ZNRF1: variants seen among roughly 807,000 people sequenced by gnomAD.
ZNRF1 encodes zinc and ring finger 1.
In ZNRF1, 3 loss-of-function variants were observed where a neutral mutation model predicts 18.4. That is an observed-to-expected ratio of 0.16 (90% CI 0.07 to 0.42). ZNRF1 has a LOEUF of 0.42. ZNRF1 is among the 10% of genes least tolerant of loss of function. The pLI, the probability that ZNRF1 is intolerant of heterozygous loss-of-function variation, is 0.99. For synonymous variants in ZNRF1, 157 were observed against 144.2 expected (o/e 1.09, Z -0.64); for missense variants, 310 against 329.8 (o/e 0.94, Z 0.47).
chr16:75,007,808 G>T (rs1181090209), intron 1 of ZNRF1, among the ~76,000 whole-genome samples: 1 of 152,132 alleles, frequency 6.6e-6, no homozygotes, highest in Non-Finnish European at 1.5e-5. Context: ...CCCAAACAGA[G>T]AAATAAACTT....
intron 1 of ZNRF1, among the ~76,000 whole-genome samples, chr16:75,060,324 T>C (rs1392416483): frequency 1.3e-5 from 2 of 152,092 alleles, no homozygotes; most frequent in Non-Finnish European, 2.9e-5. Flanking sequence ...GTGCTGGGAT[T>C]ACAGGCATGA....
intron 1 of ZNRF1, among the ~76,000 whole-genome samples, chr16:75,065,661 T>C (rs1449992110): frequency 6.6e-6 from 1 of 152,230 alleles, no homozygotes; most frequent in Non-Finnish European, 1.5e-5. Flanking sequence ...GTGTGTACAC[T>C]CAGAAATGTA....
At chr16:75,077,959 A>T (rs2035962702) in intron 1 of ZNRF1, among the ~76,000 whole-genome samples, 1 of 152,216 alleles carries the variant, frequency 6.6e-6, no homozygotes, top group Non-Finnish European at 1.5e-5. Flanking sequence ...TGTATTCATC[A>T]CATCTGCCAA....
chr16:75,013,726 C>A (rs936509942), intron 1 of ZNRF1, among the ~76,000 whole-genome samples: 7 of 152,142 alleles, frequency 4.6e-5, no homozygotes, highest in South Asian at 2.1e-4. Context: ...TGTGCTATTT[C>A]AATTTGGTTC....
chr16:75,056,268 G>C (rs2035667035), intron 1 of ZNRF1, among the ~76,000 whole-genome samples: 1 of 152,226 alleles, frequency 6.6e-6, no homozygotes, highest in Non-Finnish European at 1.5e-5. Flanking sequence ...CAGCGTGTAA[G>C]CCTAGTGACT....
At chr16:75,088,420 C>T (rs900510687) in intron 1 of ZNRF1, among the ~76,000 whole-genome samples, 1 of 152,184 alleles carries the variant, frequency 6.6e-6, no homozygotes, top group Non-Finnish European at 1.5e-5. Flanking sequence ...AAGCAGAACT[C>T]CAGATAGTTA....
intron 1 of ZNRF1, among the ~76,000 whole-genome samples, chr16:75,020,012 G>A (rs35771859): frequency 0.44 from 66,613 of 152,026 alleles, 16,085 homozygotes; most frequent in Non-Finnish European, 0.55. Context: ...CGCCCAGCCA[G>A]GTGTTCTTGA....
chr16:75,059,747 A>T (rs1597886795), intron 1 of ZNRF1, among the ~76,000 whole-genome samples: 1 of 152,308 alleles, frequency 6.6e-6, no homozygotes, highest in Middle Eastern at 3.4e-3. Context: ...AATGTTTGGA[A>T]ATTGTATAAA....
intron 1 of ZNRF1, among the ~76,000 whole-genome samples, chr16:75,043,583 C>A (rs1410364646): frequency 6.6e-6 from 1 of 152,012 alleles, no homozygotes; most frequent in Non-Finnish European, 1.5e-5. Context: ...CATTTTCAGT[C>A]CTGATAGATA....
chr16:75,094,088 G>C (rs902352711), intron 2 of ZNRF1, among the ~76,000 whole-genome samples: 1 of 152,214 alleles, frequency 6.6e-6, no homozygotes, highest in African/African-American at 2.4e-5. Context: ...GGTGGGGGCT[G>C]TGTGCTGGTG....
chr16:75,104,174 C>T, intron 2 of ZNRF1: 1 of 152,402 alleles, frequency 6.6e-6, no homozygotes, highest in Non-Finnish European at 1.5e-5. Flanking sequence ...GACGTTTATC[C>T]ATGTTTTAGC....
At chr16:75,080,480 C>T (rs574332726) in intron 1 of ZNRF1, among the ~76,000 whole-genome samples, 70 of 152,282 alleles carry the variant, frequency 4.6e-4, no homozygotes, top group African/African-American at 1.6e-3. Context: ...TTCTTTCTTG[C>T]TGGCAAAAAA....
At chr16:75,045,786 G>T (rs1232627084) in intron 1 of ZNRF1, among the ~76,000 whole-genome samples, 1 of 151,064 alleles carries the variant, frequency 6.6e-6, no homozygotes, top group Non-Finnish European at 1.5e-5. Flanking sequence ...CATGATCATG[G>T]CTCACTGCAG....
chr16:75,007,845 G>A (rs901500868), intron 1 of ZNRF1, among the ~76,000 whole-genome samples: 1 of 152,050 alleles, frequency 6.6e-6, no homozygotes, highest in Non-Finnish European at 1.5e-5. Flanking sequence ...GTATTCATTA[G>A]CTTTCTTTTT....
chr16:75,006,363 A>G (rs964618274), intron 1 of ZNRF1, among the ~76,000 whole-genome samples: 4 of 152,154 alleles, frequency 2.6e-5, no homozygotes, highest in African/African-American at 9.7e-5. Context: ...ATGACAGTGG[A>G]TCACTAAGGT....
chr16:75,108,782 C>G lies in ZNRF1; in HGVS notation c.*1082C>G, dbSNP rs976886395. 4.5e-5 allele frequency: 17 copies of G among 375,446 alleles called. No individual in the cohort carries two copies. In the East Asian group the frequency reaches 6.4e-4, roughly 14 times the overall value. 23.3% of individuals were successfully genotyped at this position (375,446 alleles called of 1,614,324 possible). On this transcript the variant is annotated 3_prime_UTR_variant, in exon 5 of 5. Coordinates refer to ENST00000335325, the MANE Select transcript of ZNRF1 (RefSeq NM_032268.5). ...TGGGGGCAAGGGCCTGCCCCCCACT[C>G]CCTCACCTACCTCCTTAGCATTCCT...
chr16:75,095,462 C>T (rs1028695396), intron 2 of ZNRF1: 12 of 865,256 alleles, frequency 1.4e-5, no homozygotes, highest in Admixed American at 6.1e-5. Flanking sequence ...GCCTTCCCTG[C>T]GTCTCACAGC....
intron 1 of ZNRF1, among the ~76,000 whole-genome samples, chr16:75,063,275 A>C (rs977475042): frequency 6.6e-6 from 1 of 152,072 alleles, no homozygotes; most frequent in Non-Finnish European, 1.5e-5. Context: ...CATTCCTCCT[A>C]CCCTGATCTG....
At chr16:75,067,158 T>C (rs994406137) in intron 1 of ZNRF1, among the ~76,000 whole-genome samples, 1 of 152,184 alleles carries the variant, frequency 6.6e-6, no homozygotes, top group African/African-American at 2.4e-5. Flanking sequence ...ATGTGATCTC[T>C]CCAATGTGGT....
Sources: gnomAD v4.1 joint callset for allele counts (sites outside exome capture counted in the v4.1 genomes callset) on GRCh38, gnomAD v4.1.1 for gene constraint, MANE v1.5 for transcripts, NCBI Gene and HGNC (gene_info 2026-07-23, HGNC 2026-07-21) for gene names.